C19orf47: variants seen among roughly 807,000 people sequenced by gnomAD.
C19orf47 encodes uncharacterized protein C19orf47.
C19orf47 carries 18 observed loss-of-function variants against 32.3 expected under a neutral mutation model. The observed-to-expected ratio is 0.56, with a 90% CI of 0.39 to 0.83. C19orf47 has a LOEUF of 0.83. Among genes scored for constraint, C19orf47 ranks in the 40% least tolerant of loss-of-function variants. The pLI is 0.00. For synonymous variants in C19orf47, 202 were observed against 211.1 expected, an observed-to-expected ratio of 0.96 and a Z score of 0.37; for missense variants, 484 against 531.6, an observed-to-expected ratio of 0.91 and a Z score of 0.88.
At chr19:40,325,919 T>C (rs1433295428) in intron 7 of C19orf47, among the ~76,000 whole-genome samples, 1 of 152,164 alleles carries the variant, frequency 6.6e-6, no homozygotes, top group Non-Finnish European at 1.5e-5. Context: ...GAATTACAGG[T>C]GTGCGTCACC....
intron 1 of C19orf47, among the ~76,000 whole-genome samples, chr19:40,344,658 C>A (rs2078239167): frequency 6.6e-6 from 1 of 152,114 alleles, no homozygotes; most frequent in African/African-American, 2.4e-5. Flanking sequence ...TATTATTAGC[C>A]CTGTTTTTAT....
intron 2 of C19orf47, among the ~76,000 whole-genome samples, chr19:40,338,221 A>G (rs1035803985): frequency 6.7e-6 from 1 of 150,296 alleles, no homozygotes; most frequent in African/African-American, 2.5e-5. Context: ...CTACAGGCGC[A>G]TGCCACCAGG....
downstream of C19orf47, among the ~76,000 whole-genome samples, chr19:40,318,679 T>G (rs1321839921): frequency 6.6e-6 from 1 of 152,154 alleles, no homozygotes; most frequent in African/African-American, 2.4e-5. Context: ...AGGGCCAGCA[T>G]TTGCTGTCCT....
chr19:40,331,671 C>T (rs1410242318), intron 5 of C19orf47, among the ~76,000 whole-genome samples: 1 of 151,970 alleles, frequency 6.6e-6, no homozygotes. Context: ...TGTTTTAAAG[C>T]ACAGTTTTGG....
chr19:40,305,652 T>C, the C19orf47 span, among the ~76,000 whole-genome samples: 1 of 152,060 alleles, frequency 6.6e-6, no homozygotes, highest in African/African-American at 2.4e-5. Flanking sequence ...AAATGCAACA[T>C]GTTAAGTCAC....
At chr19:40,324,112 G>A (rs761904752) in intron 7 of C19orf47, 36 bp from the exon 8 acceptor site, 36 of 1,608,664 alleles carry the variant, frequency 2.2e-5, no homozygotes, top group East Asian at 8.9e-5. Context: ...GAGAGGCCCC[G>A]GTGGGCCAGG....
intron 7 of C19orf47, chr19:40,324,778 G>A (rs1326703984): frequency 6.6e-6 from 1 of 152,192 alleles, no homozygotes; most frequent in Non-Finnish European, 1.5e-5. Context: ...AGGTGGTGGT[G>A]GGCAGATCGC....
At chr19:40,300,493 T>C in the C19orf47 span, among the ~76,000 whole-genome samples, 1 of 152,112 alleles carries the variant, frequency 6.6e-6, no homozygotes, top group Non-Finnish European at 1.5e-5. Context: ...TTTCTGGATA[T>C]GTTACTGATA....
At chr19:40,330,447 G>A (rs1279753864) in intron 5 of C19orf47, among the ~76,000 whole-genome samples, 1 of 151,196 alleles carries the variant, frequency 6.6e-6, no homozygotes. Context: ...TAGCCAGGAT[G>A]GTCTCGATCT....
chr19:40,300,115 G>A, the C19orf47 span, among the ~76,000 whole-genome samples: 1 of 152,066 alleles, frequency 6.6e-6, no homozygotes, highest in African/African-American at 2.4e-5. Flanking sequence ...GATGCTAAAC[G>A]TTTATATTTA....
At chr19:40,306,657 C>T in the C19orf47 span, among the ~76,000 whole-genome samples, 2 of 152,114 alleles carry the variant, frequency 1.3e-5, no homozygotes, top group Admixed American at 6.6e-5. Context: ...CCAGCCTCAG[C>T]CTCCCAAAGT....
At chr19:40,335,537 G>A (rs1203944734) in intron 4 of C19orf47, among the ~76,000 whole-genome samples, 1 of 152,078 alleles carries the variant, frequency 6.6e-6, no homozygotes, top group African/African-American at 2.4e-5. Context: ...CCTGAGCCCA[G>A]GAGTTCGACA....
At chr19:40,304,521 C>G in the C19orf47 span, among the ~76,000 whole-genome samples, 16,247 of 152,154 alleles carry the variant, frequency 0.11, 1,207 homozygotes, top group African/African-American at 0.21. Flanking sequence ...GACTTATAAT[C>G]TGCATAACAA....
chr19:40,343,565 T>G (rs1292443853), intron 1 of C19orf47: 1 of 152,232 alleles, frequency 6.6e-6, no homozygotes, highest in African/African-American at 2.4e-5. Context: ...CTGGAGGTGT[T>G]GTGCCTGGTC....
chr19:40,321,425 G>C lies in C19orf47; in HGVS notation c.*457C>G. Reference sequence around the variant, plus strand: ...GGAGAGAGAGAAGTCACAGCAGTGGGGGGAGGCGCAGAGGAGTGAGGGAGG... The same window carrying C: ...GGAGAGAGAGAAGTCACAGCAGTGGCGGGAGGCGCAGAGGAGTGAGGGAGG... On this transcript the variant is annotated 3_prime_UTR_variant, in exon 9 of 9. Coordinates refer to ENST00000683109, the MANE Select transcript of C19orf47 (RefSeq NM_001256441.2). 6 of 998,732 alleles carry C rather than the reference G, an allele frequency of 6.0e-6. No individual in the cohort carries two copies. The highest frequency in any genetic ancestry group is 7.2e-6 in the Non-Finnish European group (6 of 838,004). 61.9% of individuals were successfully genotyped at this position (998,732 alleles called of 1,614,324 possible).
rs185041528 is a variant in C19orf47, at chr19:40,326,265, C to A, written c.592+69G>T. 1.9e-6 allele frequency: 3 copies of A among 1,584,616 alleles called. No individual in the cohort carries two copies. In the East Asian group the frequency reaches 6.7e-5, roughly 36 times the overall value. ...CTCAGCCACCGTCTGTAGGATATGACGGGCCCTGTGTGATGCAGAGGGAGG... is the reference window on the plus strand; with the variant it reads ...CTCAGCCACCGTCTGTAGGATATGAAGGGCCCTGTGTGATGCAGAGGGAGG... On this transcript the variant is annotated intron_variant, in intron 7 of 8. Coordinates refer to ENST00000683109, the MANE Select transcript of C19orf47 (RefSeq NM_001256441.2).
chr19:40,333,075 T>A (rs1267645364), intron 5 of C19orf47, among the ~76,000 whole-genome samples: 1 of 151,958 alleles, frequency 6.6e-6, no homozygotes, highest in Middle Eastern at 3.2e-3. Context: ...CTGGCCAAGA[T>A]GGTGAAACCC....
chr19:40,323,376 G>A (rs761957547), intron 8 of C19orf47, among the ~76,000 whole-genome samples: 3 of 152,244 alleles, frequency 2.0e-5, no homozygotes, highest in Non-Finnish European at 4.4e-5. Context: ...AAGTGACATG[G>A]CCAAAGCCAC....
chr19:40,341,956 T>C (rs775565114), intron 1 of C19orf47, 66 bp from the exon 2 acceptor site: 184 of 1,535,234 alleles, frequency 1.2e-4, no homozygotes, highest in East Asian at 2.7e-4. Context: ...CCCTCTCCTG[T>C]GCCTGTCTGT....
Sources: allele counts gnomAD v4.1 joint callset (sites outside exome capture counted in the v4.1 genomes callset), GRCh38; gene constraint gnomAD v4.1.1; transcripts MANE v1.5; gene names NCBI Gene and HGNC (gene_info 2026-07-23, HGNC 2026-07-21).